Variants in COL18A1 observed in about 807,000 individuals in gnomAD.
The protein encoded by COL18A1 is collagen type XVIII alpha 1 chain.
COL18A1 carries 133 observed loss-of-function variants against 168.0 expected under a neutral mutation model. The observed-to-expected ratio is 0.79, with a 90% CI of 0.69 to 0.91. The LOEUF is 0.91. Among genes scored for constraint, COL18A1 ranks in the 40% least tolerant of loss-of-function variants. The pLI is 0.00. For synonymous variants in COL18A1, 949 were observed against 809.0 expected, an observed-to-expected ratio of 1.17 and a Z score of -2.94; for missense variants, 2,126 against 1,925.4, an observed-to-expected ratio of 1.10 and a Z score of -1.95.
chr21:45,504,312 C>G (rs2037050252), intron 33 of COL18A1, 104 bp from the exon 34 acceptor site: 5 of 1,192,254 alleles, frequency 4.2e-6, no homozygotes, highest in Middle Eastern at 4.8e-4. Context: ...CAGGCCTGGG[C>G]TCCGGAAGCT....
At chr21:45,495,605 C>A in intron 29 of COL18A1, 173 bp downstream of exon 29, 1 of 545,478 alleles carries the variant, frequency 1.8e-6, no homozygotes, top group Non-Finnish European at 3.2e-6. Context: ...CATGTCCACA[C>A]ACGCACACGT....
chr21:45,429,191 G>A (rs867269516), intron 2 of COL18A1, among the ~76,000 whole-genome samples: 21 of 152,124 alleles, frequency 1.4e-4, no homozygotes, highest in African/African-American at 4.1e-4. Context: ...GTGAGCCACC[G>A]CGCCCAGCCG....
In COL18A1 at chr21:45,498,596, C is replaced by T. The variant is rs913219414; in HGVS notation, c.2683+935C>T. 16 of 715,572 alleles carry T rather than the reference C, an allele frequency of 2.2e-5. No individual in the cohort carries two copies. The highest frequency in any genetic ancestry group is 8.9e-5 in the South Asian group (6 of 67,550). 44.3% of individuals were successfully genotyped at this position (715,572 alleles called of 1,614,324 possible). ...AGGCAGGCAGAGGCCGAGTCTGGGC[C>T]GGGACATCCTTAAGGCCTGTGGAGG... On this transcript the variant is annotated intron_variant, in intron 32 of 41. Transcript: ENST00000651438. This position sits in a 1 kb window ranked among gnomAD's most constrained non-coding sequence, Gnocchi z 4.5.
intron 2 of COL18A1, among the ~76,000 whole-genome samples, chr21:45,441,571 C>T (rs1266331962): frequency 3.9e-5 from 6 of 152,180 alleles, no homozygotes; most frequent in Admixed American, 2.0e-4. Context: ...CCATGGTTCC[C>T]GTCCCGGGCT....
chr21:45,452,412 GTA>G (rs1023081639), intron 2 of COL18A1, among the ~76,000 whole-genome samples: 19 of 152,270 alleles, frequency 1.2e-4, no homozygotes, highest in East Asian at 7.7e-4. Context: ...TGACGTGTGT[GTA>G]TATATGTGAG....
intron 9 of COL18A1, among the ~76,000 whole-genome samples, chr21:45,478,876 G>A (rs1387980854): frequency 6.6e-6 from 1 of 152,232 alleles, no homozygotes; most frequent in African/African-American, 2.4e-5. Flanking sequence ...CGTCACGAAC[G>A]CTGGACAGGA....
At chr21:45,495,870 C>A in intron 29 of COL18A1, 1 of 319,054 alleles carries the variant, frequency 3.1e-6, no homozygotes, top group Non-Finnish European at 6.2e-6. Flanking sequence ...TGCACGTATC[C>A]ACATGTGTAT....
chr21:45,486,760 G>T, intron 15 of COL18A1, 101 bp from the exon 16 acceptor site: 1 of 1,309,048 alleles, frequency 7.6e-7, no homozygotes, highest in Non-Finnish European at 1.0e-6. Flanking sequence ...CTTTTGATTT[G>T]CAGGGTTTAG....
chr21:45,512,336 A>G lies in COL18A1; in HGVS notation c.3958A>G (p.Ser1320Gly), dbSNP rs765506114. 41 of 1,612,524 alleles carry G rather than the reference A, an allele frequency of 2.5e-5. No homozygotes were observed. In the African/African-American group the frequency reaches 4.3e-4, roughly 17 times the overall value. ...CAGGCTCCTGGGGCAGAGTGCCGCG[A>G]GCTGCCATCACGCCTACATCGTGCT... ...GGRLLGQSAA[S>G]CHHAYIVLCI... Residue 1320 changes from serine to glycine, a missense_variant, in exon 42 of 42, where the codon AGC (serine) becomes GGC (glycine). Transcript: ENST00000651438.
intron 2 of COL18A1, among the ~76,000 whole-genome samples, chr21:45,454,237 GCAGCC>G (rs1169109878): frequency 6.6e-6 from 1 of 152,130 alleles, no homozygotes; most frequent in Admixed American, 6.5e-5. Flanking sequence ...TGGGTCCCAA[GCAGCC>G]CAGCCCTGCC....
intron 2 of COL18A1, among the ~76,000 whole-genome samples, chr21:45,452,929 ATG>A (rs1035692404): frequency 6.6e-5 from 10 of 151,646 alleles, no homozygotes; most frequent in Admixed American, 6.6e-4. Context: ...GAGTATTCAC[ATG>A]TGACATGTGA....
intron 26 of COL18A1, 183 bp downstream of exon 26, chr21:45,493,758 G>C (rs1045942830): frequency 1.7e-6 from 1 of 604,056 alleles, no homozygotes; most frequent in Non-Finnish European, 2.9e-6. Context: ...CGGTTCCGCC[G>C]GCCCCTCGTC....
intron 41 of COL18A1, among the ~76,000 whole-genome samples, chr21:45,511,973 T>C (rs550272741): frequency 9.2e-5 from 14 of 152,074 alleles, no homozygotes; most frequent in Non-Finnish European, 1.3e-4. Context: ...TGGGTGTGTC[T>C]GGCAGAAGCA....
At chr21:45,478,972 C>T (rs2035781183) in intron 9 of COL18A1, among the ~76,000 whole-genome samples, 1 of 152,222 alleles carries the variant, frequency 6.6e-6, no homozygotes, top group African/African-American at 2.4e-5. Flanking sequence ...TACCGACCGC[C>T]TGGCACCCCA....
At chr21:45,437,088 C>T (rs1420390162) in intron 2 of COL18A1, among the ~76,000 whole-genome samples, 3 of 149,948 alleles carry the variant, frequency 2.0e-5, no homozygotes, top group Admixed American at 6.6e-5. Flanking sequence ...CACAGCATCA[C>T]ACAGGCACTC....
chr21:45,452,961 A>G (rs11702514), intron 2 of COL18A1, among the ~76,000 whole-genome samples: 1 of 148,518 alleles, frequency 6.7e-6, no homozygotes, highest in Non-Finnish European at 1.5e-5. Context: ...TACATGTGTG[A>G]CCTTGTGTAT....
Position 45,463,196 on chromosome 21 carries a change from C to T in COL18A1, c.107-5046C>T, listed in dbSNP as rs1485829051. Among the ~76,000 whole-genome samples, 2 of 152,176 alleles carry T rather than the reference C, an allele frequency of 1.3e-5. No individual in the cohort carries two copies. Among genetic ancestry groups the T allele is most frequent in the Non-Finnish European group, 2.9e-5 (2 of 68,028 alleles). Reference sequence around the variant, plus strand: ...ACAGAGGGAGTGTAAAACAATGGCCCCACCTCCCTGTCTGCACATCTGTGA... The same window carrying T: ...ACAGAGGGAGTGTAAAACAATGGCCTCACCTCCCTGTCTGCACATCTGTGA... On this transcript the variant is annotated intron_variant, in intron 2 of 41. Transcript: ENST00000651438. The surrounding 1 kb of genome is among the most constrained non-coding windows in gnomAD (Gnocchi z 4.0).
rs1224757704 is a variant in COL18A1, at chr21:45,499,248, C to T, written c.2683+1587C>T. ...ACATGCAGGCCAGCCACTCCAGACC[C>T]GAGCTGTGTCGGCAGTGGAGGGTAT... On this transcript the variant is annotated intron_variant, in intron 32 of 41. Coordinates refer to ENST00000651438, the MANE Select transcript of COL18A1 (RefSeq NM_001379500.1). 2.6e-5 allele frequency among the ~76,000 whole-genome samples: 4 copies of T among 152,004 alleles called. No individual in the cohort carries two copies. In the South Asian group the frequency reaches 6.2e-4, roughly 24 times the overall value.
intron 2 of COL18A1, among the ~76,000 whole-genome samples, chr21:45,411,506 G>A (rs1465280321): frequency 6.6e-6 from 1 of 152,102 alleles, no homozygotes; most frequent in Non-Finnish European, 1.5e-5. Flanking sequence ...ACACCACAAT[G>A]AGCCTCGGAC....
Sources: gnomAD v4.1 joint callset for allele counts (sites outside exome capture counted in the v4.1 genomes callset) on GRCh38, gnomAD v4.1.1 for gene constraint, Gnocchi (gnomAD v3.1) non-coding constraint, MANE v1.5 for transcripts, NCBI Gene and HGNC (gene_info 2026-07-23, HGNC 2026-07-21) for gene names.